Variants in CLN6 observed in about 807,000 individuals in gnomAD.
CLN6 encodes ceroid-lipofuscinosis neuronal protein 6.
Under a neutral mutation model 33.3 loss-of-function variants are expected in CLN6, and 22 were observed. The observed-to-expected ratio is 0.66, with a 90% CI of 0.47 to 0.94. The LOEUF is 0.94. Among genes scored for constraint, CLN6 ranks in the 40% least tolerant of loss-of-function variants. The pLI, the probability that CLN6 is intolerant of heterozygous loss-of-function variation, is 0.00. For missense variants in CLN6, 387 were observed against 417.1 expected (o/e 0.93, Z 0.63); for synonymous variants, 201 against 174.6 (o/e 1.15, Z -1.19).
intron 1 of CLN6, among the ~76,000 whole-genome samples, chr15:68,253,536 T>G (rs779256669): frequency 2.0e-5 from 3 of 152,194 alleles, no homozygotes; most frequent in Non-Finnish European, 4.4e-5. Flanking sequence ...TGGAGCTGTG[T>G]TTTTCACCAC....
Position 68,211,985 on chromosome 15 carries a change from A to G in CLN6, c.298-122T>C. 2 of 1,054,264 alleles carry G rather than the reference A, an allele frequency of 1.9e-6. No homozygotes were observed. Among genetic ancestry groups the G allele is most frequent in the Non-Finnish European group, 2.8e-6 (2 of 722,638 alleles). The allele number at this position is 1,054,264 out of a possible 1,614,324, so 65.3% of individuals were successfully genotyped here. A position where few individuals can be genotyped will look rare whatever the true frequency, so the allele number is the denominator to read the frequency against. ...TTCCAGCTGGAATGTCACTCCAAAA[A>G]GTGGCTGGTCCCTTTAGCAGGCCAG... On this transcript the variant is annotated intron_variant, in intron 3 of 6. Transcript: ENST00000249806. The surrounding 1 kb of genome is among the most constrained non-coding windows in gnomAD (Gnocchi z 5.9).
At chr15:68,233,300 CGGGGGGGTG>C (rs1358303952), upstream of CLN6, among the ~76,000 whole-genome samples, 1 of 13,654 alleles carries the variant, frequency 7.3e-5, no homozygotes, top group Non-Finnish European at 2.4e-4. The surrounding 1 kb of genome is among the most constrained non-coding windows in gnomAD (Gnocchi z 4.3). Context: ...GAAACACCTA[CGGGGGGGTG>C]GGGGGGGTGG....
chr15:68,217,526 G>A (rs757768202), intron 2 of CLN6, among the ~76,000 whole-genome samples: 1 of 152,138 alleles, frequency 6.6e-6, no homozygotes, highest in African/African-American at 2.4e-5. Context: ...CACCATGCCC[G>A]GCCCCAAAAG....
upstream of CLN6, among the ~76,000 whole-genome samples, chr15:68,231,113 G>GAGATGTTTATTGGATTT (rs2093267837): frequency 3.3e-5 from 5 of 152,096 alleles, no homozygotes; most frequent in Admixed American, 2.6e-4. Context: ...TTCTTCTTGG[G>GAGATGTTTATTGGATTT]AGATGTTTAT....
chr15:68,255,542 T>A (rs1319064134), intron 1 of CLN6, among the ~76,000 whole-genome samples: 1 of 152,230 alleles, frequency 6.6e-6, no homozygotes, highest in Admixed American at 6.5e-5. Flanking sequence ...GTTCAGAGCA[T>A]CAGATGAGGA....
In CLN6 at chr15:68,247,427, AAAC is replaced by A. The variant is rs1049641377; in HGVS notation, c.179+9260_179+9262del. 6.6e-6 allele frequency among the ~76,000 whole-genome samples: 1 copy of A among 152,040 alleles called. No homozygotes were observed. Among genetic ancestry groups the A allele is most frequent in the Non-Finnish European group, 1.5e-5 (1 of 67,998 alleles). ...ATTTATAATAGCTGCAAAAACAAACAAACAACAACAACAACAACAAAACCTAGG... is the reference window on the plus strand; with the variant it reads ...ATTTATAATAGCTGCAAAAACAAACAAACAACAACAACAACAAAACCTAGG... On this transcript the variant is annotated intron_variant, in intron 1 of 6. Coordinates refer to the CLN6 transcript ENST00000538696. This position sits in a 1 kb window ranked among gnomAD's most constrained non-coding sequence, Gnocchi z 4.2.
rs896302361 is a variant in CLN6, at chr15:68,227,465, T to C, written c.83+2037A>G. Among the ~76,000 whole-genome samples the C allele has an allele frequency of 3.9e-5, 6 of 152,196 alleles. No homozygotes were observed. Among genetic ancestry groups the C allele is most frequent in the Non-Finnish European group, 5.9e-5 (4 of 68,024 alleles). The stretch of plus-strand genomic sequence containing the variant: ...GAGGAAATCCAAGCATCCTAGGAAC[T>C]GGACAGGATGATTCTGCCTACTCTC... On this transcript the variant is annotated intron_variant, in intron 1 of 6. Transcript: ENST00000249806. This position sits in a 1 kb window ranked among gnomAD's most constrained non-coding sequence, Gnocchi z 4.1.
At chr15:68,234,199 G>A (rs567309199), upstream of CLN6, among the ~76,000 whole-genome samples, 16 of 152,318 alleles carry the variant, frequency 1.1e-4, no homozygotes, top group African/African-American at 3.8e-4. The surrounding 1 kb of genome is among the most constrained non-coding windows in gnomAD (Gnocchi z 4.1). Context: ...CTTTCTCCCT[G>A]CAGACTGGCT....
intron 2 of CLN6, among the ~76,000 whole-genome samples, chr15:68,217,729 T>C (rs2093224324): frequency 6.6e-6 from 1 of 152,192 alleles, no homozygotes; most frequent in Non-Finnish European, 1.5e-5. Context: ...GTCAGGCAAC[T>C]GTCAGCAAGT....
In CLN6 at chr15:68,208,498, C is replaced by G. The variant is rs2093194587; in HGVS notation, c.666-88G>C. ...TCCTGTGTGCGAGAGCCAGGCTGCCCTCCAGGCAGGCAGAAGAGTCCTCTG... is the reference window on the plus strand; with the variant it reads ...TCCTGTGTGCGAGAGCCAGGCTGCCGTCCAGGCAGGCAGAAGAGTCCTCTG... On this transcript the variant is annotated intron_variant, in intron 6 of 6. Transcript: ENST00000249806. The surrounding 1 kb of genome is among the most constrained non-coding windows in gnomAD (Gnocchi z 5.8). The G allele has an allele frequency of 2.7e-6, 4 of 1,497,466 alleles. No homozygotes were observed. The highest frequency in any genetic ancestry group is 2.3e-5 in the East Asian group (1 of 42,638). The allele number at this position is 1,497,466 out of a possible 1,614,324, so 92.8% of individuals were successfully genotyped here.
In CLN6 at chr15:68,227,335, G is replaced by A. The variant is rs953699990; in HGVS notation, c.83+2167C>T. Reference sequence around the variant, plus strand: ...ATTACAGGCGTGAGCCATGGCACCCGGCCTAATTGTAACACTTTCATTATA... The same window carrying A: ...ATTACAGGCGTGAGCCATGGCACCCAGCCTAATTGTAACACTTTCATTATA... On this transcript the variant is annotated intron_variant, in intron 1 of 6. Transcript: ENST00000249806. This position sits in a 1 kb window ranked among gnomAD's most constrained non-coding sequence, Gnocchi z 4.1. Among the ~76,000 whole-genome samples the A allele has an allele frequency of 6.6e-6, 1 of 152,156 alleles. No homozygotes were observed. The highest frequency in any genetic ancestry group is 2.4e-5 in the African/African-American group (1 of 41,438).
chr15:68,253,734 C>T (rs1437922781), intron 1 of CLN6, among the ~76,000 whole-genome samples: 2 of 152,228 alleles, frequency 1.3e-5, no homozygotes, highest in African/African-American at 4.8e-5. Context: ...CAAATGTCGG[C>T]AGATACTTCT....
Position 68,208,454 on chromosome 15 carries a change from C to T in CLN6, c.666-44G>A, listed in dbSNP as rs1207325466. The T allele has an allele frequency of 9.3e-6, 15 of 1,608,320 alleles. No individual in the cohort carries two copies. The highest frequency in any genetic ancestry group is 5.0e-5 in the Admixed American group (3 of 59,676). ...AGTGAGGCAGCTGCCGTGGCAACCC[C>T]GTCCTGCCTGGCATCCCTTCCTGTG... On this transcript the variant is annotated intron_variant, in intron 6 of 6. Transcript: ENST00000249806. The surrounding 1 kb of genome is among the most constrained non-coding windows in gnomAD (Gnocchi z 5.8).
At chr15:68,221,468 G>C (rs2093235755) in intron 1 of CLN6, among the ~76,000 whole-genome samples, 1 of 152,004 alleles carries the variant, frequency 6.6e-6, no homozygotes, top group Non-Finnish European at 1.5e-5. Context: ...TTGACCTCGA[G>C]TGATCTGCCC....
chr15:68,229,677 C>T lies in CLN6; in HGVS notation c.-93G>A. 1 of 981,276 alleles carries T rather than the reference C, an allele frequency of 1.0e-6. No homozygotes were observed. The highest frequency in any genetic ancestry group is 1.4e-6 in the Non-Finnish European group (1 of 738,478). 60.8% of individuals were successfully genotyped at this position (981,276 alleles called of 1,614,324 possible). A position where few individuals can be genotyped will look rare whatever the true frequency, so the allele number is the denominator to read the frequency against. ...CGGAGGCCGCCGCAAATTCCCAGCG[C>T]GGGGCGGTTCGGGGCGGGCCGGCGA... On this transcript the variant is annotated 5_prime_UTR_variant, in exon 1 of 7. Coordinates refer to ENST00000249806, the MANE Select transcript of CLN6 (RefSeq NM_017882.3).
intron 3 of CLN6, chr15:68,213,828 A>G: frequency 5.4e-6 from 1 of 184,946 alleles, no homozygotes; most frequent in East Asian, 1.4e-4. Flanking sequence ...TAGTGCTCCC[A>G]GTGACATCTC....
chr15:68,254,616 C>T lies in CLN6; in HGVS notation c.179+2074G>A, dbSNP rs1396051739. 8 of 625,404 alleles carry T rather than the reference C, an allele frequency of 1.3e-5. No homozygotes were observed. In the Admixed American group the frequency reaches 1.3e-4, roughly 10 times the overall value. 38.7% of individuals were successfully genotyped at this position (625,404 alleles called of 1,614,324 possible). A position where few individuals can be genotyped will look rare whatever the true frequency, so the allele number is the denominator to read the frequency against. ...CGCTCCCAGCGCCTATGTCCCGCCG[C>T]CGTTGCCGCCACCACCGTGCCCAGG... is the stretch of plus-strand genomic sequence containing the variant. On this transcript the variant is annotated intron_variant, in intron 1 of 6. Transcript: ENST00000538696.
At position 68,211,086 on chromosome 15, in the gene CLN6, G is replaced by A. The variant is rs1025172658; in HGVS notation, c.542+177C>T. Among the ~76,000 whole-genome samples the A allele has an allele frequency of 2.6e-5, 4 of 152,146 alleles. No homozygotes were observed. Among genetic ancestry groups the A allele is most frequent in the African/African-American group, 7.2e-5 (3 of 41,424 alleles). Reference sequence around the variant, plus strand: ...GCCTGGGACAGCAGCTGGGTCTCCCGGGCAACCTCGGGGACAACTTCACTG... The same window carrying A: ...GCCTGGGACAGCAGCTGGGTCTCCCAGGCAACCTCGGGGACAACTTCACTG... On this transcript the variant is annotated intron_variant, in intron 5 of 6. Coordinates refer to ENST00000249806, the MANE Select transcript of CLN6 (RefSeq NM_017882.3). The surrounding 1 kb of genome is among the most constrained non-coding windows in gnomAD (Gnocchi z 5.9).
rs568598867 is a variant in CLN6, at chr15:68,223,485, G to A, written c.84-4835C>T. 2.8e-3 allele frequency among the ~76,000 whole-genome samples: 427 copies of A among 152,288 alleles called. 1 individual carries two copies. Among genetic ancestry groups the A allele is most frequent in the Non-Finnish European group, 4.8e-3 (325 of 68,014 alleles). ...AAAAAGCAGAGAGTGATAACCTCCA[G>A]GCCCAGAGAACTTGGGTGGCGAAAG... On this transcript the variant is annotated intron_variant, in intron 1 of 6. Coordinates refer to ENST00000249806, the MANE Select transcript of CLN6 (RefSeq NM_017882.3).
Sources: allele counts gnomAD v4.1 joint callset (sites outside exome capture counted in the v4.1 genomes callset), GRCh38; gene constraint gnomAD v4.1.1; non-coding constraint Gnocchi (gnomAD v3.1); transcripts MANE v1.5; gene names NCBI Gene and HGNC (gene_info 2026-07-23, HGNC 2026-07-21).